The following SSH2 variants were observed in gnomAD, a reference collection of about 807,000 sequenced individuals.
SSH2 encodes slingshot protein phosphatase 2, also known as protein phosphatase Slingshot homolog 2.
A neutral mutation model predicts 135.2 loss-of-function variants in SSH2; 37 were observed. The observed-to-expected ratio is 0.27, with a 90% CI of 0.21 to 0.36. The LOEUF (loss-of-function observed/expected upper bound fraction) is 0.36. SSH2 is among the 10% of genes least tolerant of loss of function. SSH2 has a pLI of 1.00. For missense variants in SSH2, 1,408 were observed against 1,765.3 expected, an observed-to-expected ratio of 0.80 and a Z score of 3.63; for synonymous variants, 628 against 646.2, an observed-to-expected ratio of 0.97 and a Z score of 0.43.
rs149242122 is a variant in SSH2 at position 29,878,569 on chromosome 17, T to A, written c.64-29640A>T. Reference sequence around the variant, plus strand: ...ATAAATAAATCAATGGATGAGATTTTAAAAAAAACAATTGGAGAAATAGAT... The same window carrying A: ...ATAAATAAATCAATGGATGAGATTTAAAAAAAAACAATTGGAGAAATAGAT... On this transcript the variant is annotated intron_variant, in intron 1 of 15. Transcript: ENST00000540801. Among the ~76,000 whole-genome samples, 187 of 152,076 alleles carry A rather than the reference T, an allele frequency of 1.2e-3. 1 individual carries two copies. In the Middle Eastern group the frequency reaches 0.02, roughly 17 times the overall value.
At chr17:29,805,863 C>CAAAA (rs11417396) in intron 2 of SSH2, among the ~76,000 whole-genome samples, 1 of 143,662 alleles carries the variant, frequency 7.0e-6, no homozygotes. Flanking sequence ...ACTCAGCTAT[C>CAAAA]AAAAAAAAAA....
At chr17:29,800,322 G>T (rs761460258) in intron 2 of SSH2, among the ~76,000 whole-genome samples, 6 of 152,018 alleles carry the variant, frequency 3.9e-5, no homozygotes, top group Non-Finnish European at 5.9e-5. Context: ...AGAATTCACC[G>T]CCAAAAAAGC....
At chr17:29,656,261 C>T (rs775619377) in intron 11 of SSH2, among the ~76,000 whole-genome samples, 93 of 152,178 alleles carry the variant, frequency 6.1e-4, no homozygotes, top group Non-Finnish European at 1.9e-4. Context: ...ACTGCAACCT[C>T]TGCCTCCCGG....
intron 1 of SSH2, among the ~76,000 whole-genome samples, chr17:29,887,557 C>G (rs2066262127): frequency 6.6e-6 from 1 of 152,154 alleles, no homozygotes; most frequent in South Asian, 2.1e-4. Context: ...GCCTCTATTT[C>G]CTCATCTGTA....
At chr17:29,771,512 G>C (rs1371398275) in intron 3 of SSH2, among the ~76,000 whole-genome samples, 1 of 152,084 alleles carries the variant, frequency 6.6e-6, no homozygotes, top group African/African-American at 2.4e-5. Flanking sequence ...CTTTCTCCCT[G>C]GGAGCACTGC....
intron 3 of SSH2, among the ~76,000 whole-genome samples, chr17:29,768,916 CT>C (rs2041508208): frequency 6.6e-6 from 1 of 151,986 alleles, no homozygotes; most frequent in Non-Finnish European, 1.5e-5. Context: ...GTCAGGTGCT[CT>C]ATTAAGAGTT....
chr17:29,695,029 A>T (rs1182224233), intron 5 of SSH2, among the ~76,000 whole-genome samples: 1 of 152,172 alleles, frequency 6.6e-6, no homozygotes, highest in East Asian at 1.9e-4. Context: ...TAAAGACCTA[A>T]GTCCACGTCT....
intron 5 of SSH2, among the ~76,000 whole-genome samples, chr17:29,694,294 A>G (rs1004431416): frequency 2.6e-5 from 4 of 152,246 alleles, no homozygotes; most frequent in African/African-American, 4.8e-5. Context: ...AAATATGGTC[A>G]TCTCAGTTTT....
chr17:29,650,432 A>T (rs200728779), intron 13 of SSH2, among the ~76,000 whole-genome samples: 1 of 152,138 alleles, frequency 6.6e-6, no homozygotes, highest in African/African-American at 2.4e-5. Flanking sequence ...TCTGTGCTCA[A>T]TGGAAATAGC....
At chr17:29,742,134 A>T (rs2040580135) in intron 3 of SSH2, among the ~76,000 whole-genome samples, 1 of 151,078 alleles carries the variant, frequency 6.6e-6, no homozygotes, top group African/African-American at 2.4e-5. Flanking sequence ...CAGGGTTTTC[A>T]CCGTGTTCAA....
chr17:29,727,610 A>C (rs1425322003), intron 3 of SSH2, among the ~76,000 whole-genome samples: 1 of 152,216 alleles, frequency 6.6e-6, no homozygotes, highest in Non-Finnish European at 1.5e-5. Flanking sequence ...ATATATCTTA[A>C]CCACAGAAAA....
chr17:29,762,323 A>G (rs1402127464), intron 3 of SSH2, among the ~76,000 whole-genome samples: 1 of 152,192 alleles, frequency 6.6e-6, no homozygotes, highest in African/African-American at 2.4e-5. Context: ...TCACAGCCTT[A>G]GCTGCACATA....
At chr17:29,890,004 C>T (rs1364955516) in intron 1 of SSH2, among the ~76,000 whole-genome samples, 1 of 151,896 alleles carries the variant, frequency 6.6e-6, no homozygotes, top group Non-Finnish European at 1.5e-5. Flanking sequence ...GGCAAAAGAT[C>T]TGAATAGATA....
intron 3 of SSH2, among the ~76,000 whole-genome samples, chr17:29,734,100 G>C (rs918776355): frequency 1.3e-5 from 2 of 151,850 alleles, no homozygotes; most frequent in African/African-American, 4.8e-5. Flanking sequence ...TGTATTAGTC[G>C]GAGATGGTGA....
chr17:29,928,448 G>A (rs1266491627), intron 1 of SSH2: 14 of 398,202 alleles, frequency 3.5e-5, no homozygotes, highest in Non-Finnish European at 5.8e-5. Flanking sequence ...CAGGCAAAAT[G>A]TTCTCCAGCC....
chr17:29,913,923 C>T (rs753852144), intron 1 of SSH2, among the ~76,000 whole-genome samples: 3 of 151,928 alleles, frequency 2.0e-5, no homozygotes, highest in Admixed American at 6.6e-5. Context: ...CATGAGCCAC[C>T]GCTCCCGGCC....
At chr17:29,781,915 G>A (rs775307053) in intron 3 of SSH2, among the ~76,000 whole-genome samples, 5 of 144,032 alleles carry the variant, frequency 3.5e-5, no homozygotes, top group Non-Finnish European at 7.6e-5. Context: ...TCTCAATCTC[G>A]GCTCACTGCA....
At position 29,636,584 on chromosome 17, in the gene SSH2, C is replaced by T; in HGVS notation, c.1646G>A (p.Cys549Tyr). 2 of 1,614,142 alleles carry T rather than the reference C, an allele frequency of 1.2e-6. No individual in the cohort carries two copies. The highest frequency in any genetic ancestry group is 1.1e-5 in the South Asian group (1 of 91,072). ...CAAGCAGATCATTCTTTCTTTGGTA[C>T]ACAGGCCTTTCTGATTTGCATCTTG... is the stretch of plus-strand genomic sequence containing the variant. ...VPQDANQKGL[C>Y]TKERMICLEF... The change falls in exon 15 of 16, where the codon TGT (cysteine) becomes TAT (tyrosine). Residue 549 changes from cysteine (C) to tyrosine (Y), a missense_variant. Around this residue, in one of 3 missense-constraint regions of SSH2, gnomAD observed 1,080 missense variants for 1,144.5 expected, o/e 0.94. Transcript: ENST00000540801.
At chr17:29,846,126 C>G (rs879757999) in intron 2 of SSH2, among the ~76,000 whole-genome samples, 1 of 151,594 alleles carries the variant, frequency 6.6e-6, no homozygotes, top group African/African-American at 2.4e-5. Flanking sequence ...GCAACCTCCA[C>G]CTTCTGGGTT....
Sources: allele counts gnomAD v4.1 joint callset (sites outside exome capture counted in the v4.1 genomes callset), GRCh38; gene constraint gnomAD v4.1.1; regional missense constraint gnomAD v4.1.1; transcripts MANE v1.5; gene names NCBI Gene and HGNC (gene_info 2026-07-23, HGNC 2026-07-21).